The following APOOL variants were observed in gnomAD, a reference collection of about 807,000 sequenced individuals.
The protein encoded by APOOL is apolipoprotein O like.
In APOOL, 12 loss-of-function variants were observed where a neutral mutation model predicts 23.1. That is an observed-to-expected ratio of 0.52 (90% CI 0.33 to 0.84). APOOL has a LOEUF of 0.84. APOOL is among the 40% of genes least tolerant of loss of function. The probability of loss-of-function intolerance (pLI) is 0.02; values close to 1 mark genes in which losing one functional copy is unlikely to be tolerated. For synonymous variants in APOOL, 77 were observed against 69.9 expected (o/e 1.10, Z -0.51); for missense variants, 212 against 199.6 (o/e 1.06, Z -0.37).
intron 2 of APOOL, among the ~76,000 whole-genome samples, chrX:85,047,654 A>G (rs1375814232): frequency 9.1e-6 from 1 of 110,305 alleles, no homozygotes; most frequent in Non-Finnish European, 1.9e-5. Flanking sequence ...AACTTTTTGG[A>G]CTCTGTTGAA....
intron 8 of APOOL, among the ~76,000 whole-genome samples, chrX:85,077,019 G>GTATA (rs1231987464): frequency 1.3e-5 from 1 of 75,463 alleles, no homozygotes; most frequent in African/African-American, 6.0e-5. Flanking sequence ...ATATATATAC[G>GTATA]TATATATATG....
At chrX:85,057,699 A>G (rs1172797019) in intron 5 of APOOL, among the ~76,000 whole-genome samples, 1 of 107,773 alleles carries the variant, frequency 9.3e-6, no homozygotes, top group African/African-American at 3.4e-5. Flanking sequence ...ATATATATAT[A>G]TATCTCCCTA....
At chrX:85,061,158 G>A (rs970094385) in intron 5 of APOOL, among the ~76,000 whole-genome samples, 11 of 111,425 alleles carry the variant, frequency 9.9e-5, no homozygotes, top group Non-Finnish European at 1.7e-4. Flanking sequence ...TTTGTCTTTG[G>A]TTCTGTTTGT....
At chrX:85,050,337 G>A (rs981696929) in intron 2 of APOOL, among the ~76,000 whole-genome samples, 13 of 111,242 alleles carry the variant, frequency 1.2e-4, no homozygotes, top group Non-Finnish European at 2.3e-4. Flanking sequence ...TATACATTGT[G>A]GAATGACTAA....
intron 1 of APOOL, among the ~76,000 whole-genome samples, chrX:85,032,470 C>G (rs6653042): frequency 0.044 from 4,804 of 108,009 alleles, 245 homozygotes; most frequent in African/African-American, 0.15. Flanking sequence ...GCCGAGATCG[C>G]GCCATTGCAC....
intron 8 of APOOL, among the ~76,000 whole-genome samples, chrX:85,081,044 C>G (rs1924078413): frequency 9.0e-6 from 1 of 111,459 alleles, no homozygotes; most frequent in Admixed American, 9.6e-5. Context: ...GACTCTTTAT[C>G]CAATTTGCCA....
chrX:85,059,732 T>C (rs1196132380), intron 5 of APOOL, among the ~76,000 whole-genome samples: 2 of 111,079 alleles, frequency 1.8e-5, no homozygotes, highest in Non-Finnish European at 3.8e-5. Context: ...GTTGTTTGTT[T>C]TTTTCTTGTA....
Position 85,046,629 on chromosome X carries a change from GC to G in APOOL, c.120+82del, listed in dbSNP as rs1922586693. ...AGCTATATTTTTTAAAATTATCTTT[GC>G]CCATCAAAAATGTCTTAGAAGTCTT... On this transcript the variant is annotated intron_variant, in intron 2 of 8. Transcript: ENST00000373173. The G allele has an allele frequency of 4.8e-6, 4 of 833,459 alleles. No homozygotes were observed. The East Asian group carries it at 1.4e-4, about 29-fold the overall frequency. The allele number at this position is 833,459 out of a possible 1,213,427, so 68.7% of individuals were successfully genotyped here. A position where few individuals can be genotyped will look rare whatever the true frequency, so the allele number is the denominator to read the frequency against.
chrX:85,008,535 TTGTGTGTGTG>T (rs57105866), intron 1 of APOOL, among the ~76,000 whole-genome samples: 212 of 86,138 alleles, frequency 2.5e-3, no homozygotes, highest in African/African-American at 8.0e-3. Flanking sequence ...TGATAACCCG[TTGTGTGTGTG>T]TGTGTGTGTG....
In APOOL at chrX:85,082,404, T is replaced by C. The variant is rs769442081; in HGVS notation, c.719-5186T>C. ...AAGGTCCACTCCAGACCGTGTTTGC[T>C]TGGGTATACCGAGCGGAGGCTGCAG... On this transcript the variant is annotated intron_variant, in intron 8 of 8. Coordinates refer to ENST00000373173, the MANE Select transcript of APOOL (RefSeq NM_198450.6). Among the ~76,000 whole-genome samples, 3 of 110,990 alleles carry C rather than the reference T, an allele frequency of 2.7e-5. No homozygotes were observed. The East Asian group carries it at 8.6e-4, about 32-fold the overall frequency.
In APOOL at chrX:85,092,701, C is replaced by T; in HGVS notation, c.*5023C>T. ...CCAAATATAGTAGTTACCTTTTGAA[C>T]TTTTCTATAGCTGTAAAAAGAAAAA... On this transcript the variant is annotated 3_prime_UTR_variant, in exon 9 of 9. Transcript: ENST00000373173. The T allele has an allele frequency of 1.7e-6, 1 of 578,498 alleles. No homozygotes were observed. The highest frequency in any genetic ancestry group is 2.6e-6 in the Non-Finnish European group (1 of 391,254). The allele number at this position is 578,498 out of a possible 1,213,427, so 47.7% of individuals were successfully genotyped here. A position where few individuals can be genotyped will look rare whatever the true frequency, so the allele number is the denominator to read the frequency against.
intron 1 of APOOL, among the ~76,000 whole-genome samples, chrX:85,011,794 C>A (rs1569452665): frequency 9.0e-6 from 1 of 111,516 alleles, no homozygotes; most frequent in Non-Finnish European, 1.9e-5. Context: ...CAGATTTGTT[C>A]TTTTTGCTTA....
At chrX:85,024,814 A>G (rs1479021279) in intron 1 of APOOL, among the ~76,000 whole-genome samples, 1 of 112,250 alleles carries the variant, frequency 8.9e-6, no homozygotes, top group African/African-American at 3.2e-5. Context: ...CCATCTGCCA[A>G]ATCCATCTGG....
intron 1 of APOOL, among the ~76,000 whole-genome samples, chrX:85,006,976 T>C (rs1921101459): frequency 1.8e-5 from 2 of 111,330 alleles, no homozygotes; most frequent in Non-Finnish European, 3.8e-5. Context: ...AGACACACTT[T>C]GCTTCAAAGG....
intron 6 of APOOL, among the ~76,000 whole-genome samples, chrX:85,070,808 G>A (rs1226659775): frequency 2.8e-5 from 3 of 105,545 alleles, no homozygotes; most frequent in Non-Finnish European, 5.9e-5. Context: ...CTTCTATTCT[G>A]CGTATATGTC....
At chrX:85,020,600 G>A (rs371531406) in intron 1 of APOOL, among the ~76,000 whole-genome samples, 2 of 111,329 alleles carry the variant, frequency 1.8e-5, no homozygotes, top group East Asian at 5.7e-4. Flanking sequence ...TGGTCTCCAG[G>A]CTGCTTTACT....
intron 8 of APOOL, among the ~76,000 whole-genome samples, chrX:85,079,091 T>C (rs767790041): frequency 1.7e-3 from 191 of 111,597 alleles, no homozygotes; most frequent in Admixed American, 4.6e-3. Flanking sequence ...TTTCTTTCTC[T>C]TGCCTGATTG....
intron 5 of APOOL, among the ~76,000 whole-genome samples, chrX:85,066,732 C>T (rs1395285063): frequency 9.0e-6 from 1 of 110,498 alleles, no homozygotes; most frequent in Non-Finnish European, 1.9e-5. Flanking sequence ...GAGTCCATTT[C>T]ACTTTTACAT....
chrX:85,049,491 G>C (rs1922686912), intron 2 of APOOL, among the ~76,000 whole-genome samples: 1 of 111,624 alleles, frequency 9.0e-6, no homozygotes, highest in Non-Finnish European at 1.9e-5. Context: ...AACAGATAAA[G>C]AACCTGAACC....
Sources: gnomAD v4.1 joint callset for allele counts (sites outside exome capture counted in the v4.1 genomes callset) on GRCh38, gnomAD v4.1.1 for gene constraint, MANE v1.5 for transcripts, NCBI Gene and HGNC (gene_info 2026-07-23, HGNC 2026-07-21) for gene names.